TSNARE1: variants seen among roughly 807,000 people sequenced by gnomAD.
The protein encoded by TSNARE1 is t-SNARE domain-containing protein 1.
Under a neutral mutation model 62.0 loss-of-function variants are expected in TSNARE1, and 49 were observed. The observed-to-expected ratio is 0.79, with a 90% confidence interval of 0.63 to 1.00. TSNARE1 has a LOEUF of 1.00. Among genes scored for constraint, TSNARE1 ranks in the 50% least tolerant of loss-of-function variants. The probability of loss-of-function intolerance (pLI) is 0.00; values close to 1 mark genes in which losing one functional copy is unlikely to be tolerated. For synonymous variants in TSNARE1, 328 were observed against 294.4 expected, an observed-to-expected ratio of 1.11 and a Z score of -1.17; for missense variants, 755 against 700.1, an observed-to-expected ratio of 1.08 and a Z score of -0.88.
rs1339523459 is a variant in TSNARE1, at chr8:142,390,913, T to A, written c.-40+12191A>T. Among the ~76,000 whole-genome samples the A allele has an allele frequency of 2.2e-3, 169 of 76,162 alleles. 2 individuals are homozygous for A. The highest frequency in any genetic ancestry group is 8.1e-3 in the African/African-American group (142 of 17,424). 50.0% of individuals were successfully genotyped at this position (76,162 alleles called of 152,430 possible). A position where few individuals can be genotyped will look rare whatever the true frequency, so the allele number is the denominator to read the frequency against. On this transcript the variant is annotated intron_variant, in intron 1 of 13. Coordinates refer to ENST00000524325, the MANE Select transcript of TSNARE1 (RefSeq NM_145003.5). ...CTCTGTAACAGACGCTGTACACTGC[T>A]GGGGACTCTGTAACAGACGCTGTAC...
rs778753741 is a variant in TSNARE1 at position 142,319,154 on chromosome 8, T to TTCC, written c.894-521_894-520insGGA. ...TCGGCCACTGCGAGGACCACCTTGC[T>TTCC]CCGCCGCAACCACCCCCAAATACCC... On this transcript the variant is annotated intron_variant, in intron 6 of 13. Transcript: ENST00000524325. The surrounding 1 kb of genome is among the most constrained non-coding windows in gnomAD (Gnocchi z 4.9). Among the ~76,000 whole-genome samples, 213 of 151,354 alleles carry TTCC rather than the reference T, an allele frequency of 1.4e-3. 1 individual carries two copies. The highest frequency in any genetic ancestry group is 4.3e-3 in the African/African-American group (179 of 41,156).
chr8:142,327,385 C>T (rs539127014), intron 6 of TSNARE1, among the ~76,000 whole-genome samples: 11 of 151,882 alleles, frequency 7.2e-5, no homozygotes, highest in East Asian at 3.9e-4. Context: ...CTGTACCAGC[C>T]GGCGAATGGG....
In TSNARE1 at chr8:142,234,100, C is replaced by T. The variant is rs368574922; in HGVS notation, c.1447-4521G>A. ...CCAATCATGGAGGCCGGGGAAGGCT[C>T]CAAGATGGCTCCATGACCCCAACCA... On this transcript the variant is annotated intron_variant, in intron 12 of 13. Coordinates refer to ENST00000524325, the MANE Select transcript of TSNARE1 (RefSeq NM_145003.5). Among the ~76,000 whole-genome samples the T allele has an allele frequency of 1.1e-4, 16 of 152,324 alleles. No individual in the cohort carries two copies. The East Asian group carries it at 1.2e-3, about 11-fold the overall frequency.
intron 1 of TSNARE1, among the ~76,000 whole-genome samples, chr8:142,370,325 T>C (rs967391964): frequency 6.6e-6 from 1 of 152,172 alleles, no homozygotes. Flanking sequence ...TCCCAGCACT[T>C]TGGAAGGCCA....
chr8:142,378,632 G>A (rs1836513091), intron 1 of TSNARE1, among the ~76,000 whole-genome samples: 2 of 152,154 alleles, frequency 1.3e-5, no homozygotes, highest in African/African-American at 2.4e-5. Flanking sequence ...AAAGCACCAC[G>A]TGTCATCCAA....
intron 10 of TSNARE1, among the ~76,000 whole-genome samples, chr8:142,296,544 C>T (rs552675096): frequency 6.6e-6 from 1 of 151,922 alleles, no homozygotes; most frequent in Non-Finnish European, 1.5e-5. Flanking sequence ...ACTGGCAAGT[C>T]GCTGTGGAGC....
chr8:142,280,013 T>C (rs1283411689), intron 11 of TSNARE1: 13 of 1,211,284 alleles, frequency 1.1e-5, no homozygotes, highest in African/African-American at 1.7e-5. Flanking sequence ...TCCCGCCACT[T>C]GTGCTTGAGG....
At chr8:142,390,890 CTGTAA>C in intron 1 of TSNARE1, among the ~76,000 whole-genome samples, 1 of 99,314 alleles carries the variant, frequency 1.0e-5, no homozygotes, top group Non-Finnish European at 2.1e-5. Context: ...GCTGGGGACT[CTGTAA>C]CAGACGCTGT....
At chr8:142,280,878 TGGGGCCACAGAGCAGCTGGAG>T (rs1470083870) in intron 11 of TSNARE1, among the ~76,000 whole-genome samples, 7 of 152,050 alleles carry the variant, frequency 4.6e-5, no homozygotes, top group African/African-American at 1.7e-4. Flanking sequence ...AGGCCCTGTA[TGGGGCCACAGAGCAGCTGGAG>T]GGGGCCACAG....
At chr8:142,274,703 A>AAG (rs1820150275) in intron 12 of TSNARE1, 78 bp downstream of exon 12, 2 of 1,408,616 alleles carry the variant, frequency 1.4e-6, no homozygotes, top group African/African-American at 3.0e-5. Context: ...GGGCCCCTCC[A>AAG]GACAGACGGA....
chr8:142,308,761 C>T (rs1229534603), intron 9 of TSNARE1, among the ~76,000 whole-genome samples: 1 of 152,144 alleles, frequency 6.6e-6, no homozygotes, highest in Non-Finnish European at 1.5e-5. Context: ...TTTCCATATA[C>T]ATTTTGGAAT....
chr8:142,223,018 AC>A (rs1816501792), intron 13 of TSNARE1, among the ~76,000 whole-genome samples: 1 of 137,552 alleles, frequency 7.3e-6, no homozygotes, highest in Non-Finnish European at 1.6e-5. Flanking sequence ...TTACTCACTC[AC>A]TCAGCCACTC....
intron 12 of TSNARE1, among the ~76,000 whole-genome samples, chr8:142,259,456 T>C (rs916214533): frequency 6.6e-6 from 1 of 152,158 alleles, no homozygotes; most frequent in African/African-American, 2.4e-5. Context: ...CAGGCTGTCC[T>C]TTACAGCACC....
intron 13 of TSNARE1, among the ~76,000 whole-genome samples, chr8:142,224,047 C>T (rs1316135405): frequency 6.7e-6 from 1 of 148,524 alleles, no homozygotes; most frequent in Non-Finnish European, 1.5e-5. Flanking sequence ...GGGGGATGCA[C>T]CACCACCAAA....
chr8:142,369,196 T>C (rs569728421), intron 1 of TSNARE1, among the ~76,000 whole-genome samples: 28 of 152,242 alleles, frequency 1.8e-4, no homozygotes, highest in African/African-American at 6.3e-4. Flanking sequence ...AGCCCAACAC[T>C]GCCGGGGGTA....
chr8:142,341,557 G>A (rs1039674313), intron 4 of TSNARE1, among the ~76,000 whole-genome samples: 3 of 152,272 alleles, frequency 2.0e-5, no homozygotes, highest in Admixed American at 6.5e-5. Flanking sequence ...CCAGACACAC[G>A]GCTGGGGCCA....
intron 11 of TSNARE1, among the ~76,000 whole-genome samples, chr8:142,279,059 C>A (rs1023693845): frequency 6.6e-6 from 1 of 152,248 alleles, no homozygotes; most frequent in Non-Finnish European, 1.5e-5. Flanking sequence ...GGTAGCTGTA[C>A]GCTGGGGCTC....
At chr8:142,335,125 G>A (rs1470936394) in intron 4 of TSNARE1, among the ~76,000 whole-genome samples, 3 of 152,200 alleles carry the variant, frequency 2.0e-5, no homozygotes, top group African/African-American at 4.8e-5. Flanking sequence ...TGAATGTACT[G>A]AAACCACATC....
chr8:142,244,025 AAG>A (rs1240757574), intron 12 of TSNARE1, among the ~76,000 whole-genome samples: 1 of 152,158 alleles, frequency 6.6e-6, no homozygotes, highest in Non-Finnish European at 1.5e-5. Flanking sequence ...TCTCTACTAA[AAG>A]TACAAAAAAT....
Sources: allele counts gnomAD v4.1 joint callset (sites outside exome capture counted in the v4.1 genomes callset), GRCh38; gene constraint gnomAD v4.1.1; non-coding constraint Gnocchi (gnomAD v3.1); transcripts MANE v1.5; gene names NCBI Gene and HGNC (gene_info 2026-07-23, HGNC 2026-07-21).